The following CDK14 variants were observed in gnomAD, a reference collection of about 807,000 sequenced individuals.
CDK14 encodes cyclin dependent kinase 14, also known as cyclin-dependent kinase 14.
Under a neutral mutation model 60.7 loss-of-function variants are expected in CDK14, and 34 were observed. That is an observed-to-expected ratio of 0.56 (90% CI 0.43 to 0.75). The LOEUF (loss-of-function observed/expected upper bound fraction) is 0.75. Among genes scored for constraint, CDK14 ranks in the 30% least tolerant of loss-of-function variants. The pLI is 0.00. For missense variants in CDK14, 482 were observed against 564.1 expected, an observed-to-expected ratio of 0.85 and a Z score of 1.47; for synonymous variants, 197 against 203.7, an observed-to-expected ratio of 0.97 and a Z score of 0.28.
intron 5 of CDK14, among the ~76,000 whole-genome samples, chr7:90,841,038 G>C (rs1267249107): frequency 6.6e-6 from 1 of 152,058 alleles, no homozygotes; most frequent in African/African-American, 2.4e-5. Context: ...GTATCAAACT[G>C]GTTTTCTATA....
At chr7:91,165,675 C>G (rs149414012) in intron 14 of CDK14, among the ~76,000 whole-genome samples, 125 of 152,260 alleles carry the variant, frequency 8.2e-4, no homozygotes, top group Admixed American at 2.4e-3. Context: ...ATCAACAGGG[C>G]TTGGCTCAAA....
At chr7:90,966,816 G>A (rs947858585) in intron 9 of CDK14, among the ~76,000 whole-genome samples, 1 of 152,118 alleles carries the variant, frequency 6.6e-6, no homozygotes. Flanking sequence ...CCAAGTTGCT[G>A]TAGGTAAATA....
rs189814241 is a variant in CDK14, at chr7:90,939,010, A to G, written c.827-16687A>G. On this transcript the variant is annotated intron_variant, in intron 8 of 14. Transcript: ENST00000380050. ...TCCACATGTACTAAATTTTACTTCT[A>G]TACTTATATTTCAAATATGGTTTCC... 2.6e-5 allele frequency among the ~76,000 whole-genome samples: 4 copies of G among 152,372 alleles called. No homozygotes were observed. In the East Asian group the frequency reaches 5.8e-4, roughly 22 times the overall value.
At chr7:90,843,719 G>A (rs909054971) in intron 5 of CDK14, among the ~76,000 whole-genome samples, 2 of 152,094 alleles carry the variant, frequency 1.3e-5, no homozygotes, top group African/African-American at 4.8e-5. Context: ...AGTGTCTTGG[G>A]AATTTTCTGA....
intron 1 of CDK14, among the ~76,000 whole-genome samples, chr7:90,600,525 A>G (rs1479436348): frequency 6.6e-6 from 1 of 152,210 alleles, no homozygotes; most frequent in Non-Finnish European, 1.5e-5. Context: ...TTTAAAGGAC[A>G]TGGTTTGTGA....
At chr7:90,868,870 C>T (rs1026311602) in intron 6 of CDK14, among the ~76,000 whole-genome samples, 6 of 152,150 alleles carry the variant, frequency 3.9e-5, no homozygotes, top group Non-Finnish European at 8.8e-5. Context: ...GACTTTAGCT[C>T]AAGTCTTCTG....
At chr7:90,754,550 T>A (rs1450424559) in intron 4 of CDK14, among the ~76,000 whole-genome samples, 2 of 152,080 alleles carry the variant, frequency 1.3e-5, no homozygotes, top group East Asian at 1.9e-4. Context: ...TTAGGAAACA[T>A]CGTCTGAGCA....
At chr7:91,088,931 G>GT (rs1798722563) in intron 12 of CDK14, among the ~76,000 whole-genome samples, 1 of 151,806 alleles carries the variant, frequency 6.6e-6, no homozygotes, top group African/African-American at 2.4e-5. Context: ...CATACCAGCT[G>GT]TGAGTGTGCA....
At chr7:90,723,401 G>C (rs1369850533) in intron 2 of CDK14, among the ~76,000 whole-genome samples, 1 of 152,122 alleles carries the variant, frequency 6.6e-6, no homozygotes, top group African/African-American at 2.4e-5. Context: ...CTGAAAACTT[G>C]ACTCACAAGG....
chr7:90,654,737 A>T (rs754131476), intron 2 of CDK14, among the ~76,000 whole-genome samples: 2 of 152,136 alleles, frequency 1.3e-5, no homozygotes, highest in Non-Finnish European at 2.9e-5. Context: ...TTCCCATGTT[A>T]CTTCTCATTC....
chr7:90,967,702 T>G (rs1794794027), intron 9 of CDK14, among the ~76,000 whole-genome samples: 1 of 152,204 alleles, frequency 6.6e-6, no homozygotes, highest in African/African-American at 2.4e-5. Flanking sequence ...ATGAGTGGAT[T>G]ATAGAAAGTA....
At chr7:90,877,385 A>G (rs2117270116) in intron 6 of CDK14, among the ~76,000 whole-genome samples, 1 of 151,774 alleles carries the variant, frequency 6.6e-6, no homozygotes, top group East Asian at 1.9e-4. Flanking sequence ...CCCAACAGAT[A>G]CTCATGCCTC....
intron 2 of CDK14, among the ~76,000 whole-genome samples, chr7:90,641,146 G>A (rs2116441595): frequency 1.3e-5 from 2 of 151,970 alleles, no homozygotes; most frequent in East Asian, 1.9e-4. Context: ...AAATGTTGGT[G>A]AGGATGTGAA....
chr7:90,677,485 G>C (rs914595788), intron 2 of CDK14, among the ~76,000 whole-genome samples: 7 of 152,170 alleles, frequency 4.6e-5, no homozygotes, highest in African/African-American at 1.7e-4. Context: ...AGAAAATAGA[G>C]AGATGTTTGT....
chr7:90,952,580 G>A (rs1367734037), intron 8 of CDK14, among the ~76,000 whole-genome samples: 9 of 152,156 alleles, frequency 5.9e-5, no homozygotes, highest in Admixed American at 5.2e-4. Context: ...GTGCCCATCG[G>A]AATTGTACCC....
chr7:90,680,657 C>T (rs1801295641), intron 2 of CDK14, among the ~76,000 whole-genome samples: 1 of 152,150 alleles, frequency 6.6e-6, no homozygotes, highest in Non-Finnish European at 1.5e-5. Flanking sequence ...GTCTCGTTGT[C>T]ATCACATATC....
At chr7:90,848,500 C>G (rs910447927) in intron 5 of CDK14, among the ~76,000 whole-genome samples, 2 of 152,206 alleles carry the variant, frequency 1.3e-5, no homozygotes, top group African/African-American at 4.8e-5. Context: ...GCTGTTGGCT[C>G]TCTGTTGCTA....
intron 8 of CDK14, among the ~76,000 whole-genome samples, chr7:90,942,987 T>A (rs796316941): frequency 1.2e-4 from 18 of 152,082 alleles, no homozygotes; most frequent in East Asian, 1.9e-4. Context: ...GGTTTTTTTT[T>A]AAAAAAAACT....
intron 12 of CDK14, among the ~76,000 whole-genome samples, chr7:91,080,398 G>A (rs540906470): frequency 4.6e-5 from 7 of 152,194 alleles, no homozygotes; most frequent in Non-Finnish European, 8.8e-5. Flanking sequence ...TAAATTCTGC[G>A]GTAGTTTACT....
Sources: allele counts gnomAD v4.1 joint callset (sites outside exome capture counted in the v4.1 genomes callset), GRCh38; gene constraint gnomAD v4.1.1; transcripts MANE v1.5; gene names NCBI Gene and HGNC (gene_info 2026-07-23, HGNC 2026-07-21).